Variants in KHDRBS2 observed in about 807,000 individuals in gnomAD.
KHDRBS2 encodes the protein KH domain-containing, RNA-binding, signal transduction-associated protein 2.
A neutral mutation model predicts 44.3 loss-of-function variants in KHDRBS2; 26 were observed. The ratio of observed to expected loss-of-function variants is 0.59; its 90% CI spans 0.43 to 0.81. The LOEUF (loss-of-function observed/expected upper bound fraction) is 0.81, where lower values mean the gene tolerates loss of function less well. Ranked by LOEUF, KHDRBS2 falls within the 40% of genes least tolerant of loss-of-function variation. The pLI is 0.00. For missense variants in KHDRBS2, 476 were observed against 433.1 expected (o/e 1.10, Z -0.88); for synonymous variants, 194 against 151.1 (o/e 1.28, Z -2.08).
At chr6:61,691,374 A>C (rs1486399014) in intron 8 of KHDRBS2, among the ~76,000 whole-genome samples, 1 of 152,102 alleles carries the variant, frequency 6.6e-6, no homozygotes, top group African/African-American at 2.4e-5. Context: ...CTGAAATAGC[A>C]AAAAGAGAAA....
chr6:62,282,913 C>T (rs1055488200), intron 1 of KHDRBS2, among the ~76,000 whole-genome samples: 30 of 152,020 alleles, frequency 2.0e-4, no homozygotes, highest in Non-Finnish European at 4.4e-5. Flanking sequence ...GAAAGCTTAC[C>T]CAGATTCAGT....
intron 2 of KHDRBS2, among the ~76,000 whole-genome samples, chr6:62,104,212 C>G (rs193204316): frequency 8.3e-4 from 126 of 152,250 alleles, no homozygotes; most frequent in Non-Finnish European, 1.4e-3. Flanking sequence ...ACACTCTATT[C>G]AAAAACAGCA....
chr6:61,708,152 T>C (rs574630350), intron 7 of KHDRBS2, among the ~76,000 whole-genome samples: 1 of 151,818 alleles, frequency 6.6e-6, no homozygotes, highest in Non-Finnish European at 1.5e-5. Context: ...AGTGCTCACA[T>C]GTGTGATTAT....
intron 6 of KHDRBS2, among the ~76,000 whole-genome samples, chr6:61,877,738 C>T (rs563594488): frequency 1.4e-4 from 21 of 151,960 alleles, no homozygotes; most frequent in African/African-American, 5.1e-4. Context: ...ATATTTAAAA[C>T]ATCTCTTTAG....
chr6:61,929,763 C>A (rs1259428334), intron 4 of KHDRBS2, among the ~76,000 whole-genome samples: 1 of 152,064 alleles, frequency 6.6e-6, no homozygotes, highest in Non-Finnish European at 1.5e-5. Context: ...TATTATTTTC[C>A]TTCAACAAAT....
At chr6:61,633,551 T>C in the KHDRBS2 span, among the ~76,000 whole-genome samples, 4,539 of 152,160 alleles carry the variant, frequency 0.03, 227 homozygotes, top group African/African-American at 0.1. Flanking sequence ...TGCTCATATC[T>C]ACAGTAGCAC....
chr6:61,967,957 T>TATATATACAC (rs1228663590), intron 4 of KHDRBS2, among the ~76,000 whole-genome samples: 16 of 73,590 alleles, frequency 2.2e-4, no homozygotes, highest in African/African-American at 7.0e-4. Flanking sequence ...TATATATATA[T>TATATATACAC]ACACACACAC....
At chr6:61,761,328 A>G (rs1779241097) in intron 6 of KHDRBS2, among the ~76,000 whole-genome samples, 1 of 152,234 alleles carries the variant, frequency 6.6e-6, no homozygotes, top group African/African-American at 2.4e-5. Context: ...TTAGAAAACA[A>G]GTACATGTCT....
At chr6:61,926,564 G>A (rs1206479579) in intron 4 of KHDRBS2, among the ~76,000 whole-genome samples, 20 of 152,124 alleles carry the variant, frequency 1.3e-4, no homozygotes, top group Non-Finnish European at 2.8e-4. Flanking sequence ...TCCTAGGCAG[G>A]TGTTCAAGTC....
intron 4 of KHDRBS2, among the ~76,000 whole-genome samples, chr6:61,975,683 A>G (rs1772470429): frequency 6.6e-6 from 1 of 151,416 alleles, no homozygotes; most frequent in African/African-American, 2.5e-5. Context: ...ACACACACAG[A>G]GAGATATAAA....
chr6:62,100,563 A>G (rs1416236438), intron 2 of KHDRBS2, among the ~76,000 whole-genome samples: 5 of 152,194 alleles, frequency 3.3e-5, no homozygotes, highest in African/African-American at 1.2e-4. Context: ...AAATTACCAC[A>G]ACCACTCTAA....
chr6:61,588,865 A>G, the KHDRBS2 span, among the ~76,000 whole-genome samples: 6 of 152,162 alleles, frequency 3.9e-5, no homozygotes, highest in Non-Finnish European at 8.8e-5. Flanking sequence ...GCACATATAA[A>G]CCATGGAATA....
intron 1 of KHDRBS2, among the ~76,000 whole-genome samples, chr6:62,280,107 A>G (rs1841591644): frequency 6.6e-6 from 1 of 152,204 alleles, no homozygotes; most frequent in South Asian, 2.1e-4. Flanking sequence ...CTTTCTGTGA[A>G]TAGGTATGGG....
chr6:62,169,090 T>A (rs1394057035), intron 2 of KHDRBS2, among the ~76,000 whole-genome samples: 3 of 138,122 alleles, frequency 2.2e-5, no homozygotes, highest in Non-Finnish European at 4.7e-5. Flanking sequence ...TATATACACA[T>A]TTATATTTAT....
intron 1 of KHDRBS2, among the ~76,000 whole-genome samples, chr6:62,231,202 G>A (rs1014650679): frequency 6.6e-6 from 1 of 152,122 alleles, no homozygotes; most frequent in Admixed American, 6.5e-5. Context: ...CAGTGTATTA[G>A]TCTGTTTTCA....
chr6:61,816,548 G>A (rs1788976095), intron 6 of KHDRBS2: 2 of 418,398 alleles, frequency 4.8e-6, no homozygotes, highest in Non-Finnish European at 9.7e-6. Context: ...CGACCCTGCT[G>A]ACATATTGGA....
chr6:61,667,134 C>CTT, the KHDRBS2 span, among the ~76,000 whole-genome samples: 1 of 133,724 alleles, frequency 7.5e-6, no homozygotes, highest in Non-Finnish European at 1.6e-5. Context: ...CCGCAAAGTA[C>CTT]TTTTTTTTTT....
At chr6:61,880,890 A>C (rs1213752888) in intron 6 of KHDRBS2, among the ~76,000 whole-genome samples, 2 of 151,994 alleles carry the variant, frequency 1.3e-5, no homozygotes, top group Non-Finnish European at 2.9e-5. Context: ...ACTCTGATAA[A>C]TAAAGGAAAA....
chr6:62,221,128 CA>C (rs1204424480), intron 1 of KHDRBS2, among the ~76,000 whole-genome samples: 159 of 136,084 alleles, frequency 1.2e-3, no homozygotes, highest in Non-Finnish European at 1.0e-3. Context: ...CCAGCCATAC[CA>C]AAAAAAAAAA....
Sources: gnomAD v4.1 joint callset for allele counts (sites outside exome capture counted in the v4.1 genomes callset) on GRCh38, gnomAD v4.1.1 for gene constraint, MANE v1.5 for transcripts, NCBI Gene and HGNC (gene_info 2026-07-23, HGNC 2026-07-21) for gene names.